Variants in USP9X observed in about 807,000 individuals in gnomAD.
USP9X encodes ubiquitin specific peptidase 9 X-linked.
Under a neutral mutation model 190.3 loss-of-function variants are expected in USP9X, and 7 were observed. The ratio of observed to expected loss-of-function variants is 0.04; its 90% CI spans 0.02 to 0.07. The LOEUF (loss-of-function observed/expected upper bound fraction) is 0.07. USP9X is among the 10% of genes least tolerant of loss of function. The pLI is 1.00. For synonymous variants in USP9X, 645 were observed against 659.5 expected (o/e 0.98, Z 0.34); for missense variants, 1,010 against 1,916.9 (o/e 0.53, Z 8.83).
At position 41,216,528 on chromosome X, in the gene USP9X, T is replaced by C. The variant is rs373378185; in HGVS notation, c.5961T>C (p.Ile1987=). ...RPHQIIMPSA[I]ERSVRKQNVQ... ...ATCAGATTATTATGCCATCAGCCAT[T>C]GAGAGAAGTGTACGGAAACAGAACG... The change falls in exon 35 of 45, where the codon ATT becomes ATC. Residue 1987 remains isoleucine, a synonymous_variant. Transcript: ENST00000378308. 2.3e-5 allele frequency: 28 copies of C among 1,209,439 alleles called. No homozygotes were observed. The highest frequency in any genetic ancestry group is 1.8e-5 in the African/African-American group (1 of 56,950).
At chrX:41,184,271 T>A (rs1602010563) in intron 22 of USP9X, 126 bp from the exon 23 acceptor site, 3 of 1,000,093 alleles carry the variant, frequency 3.0e-6, no homozygotes, top group Non-Finnish European at 4.0e-6. Flanking sequence ...AAATGAAATA[T>A]TAATTTGAAA....
intron 6 of USP9X, among the ~76,000 whole-genome samples, chrX:41,139,172 T>C (rs1161138026): frequency 1.8e-5 from 2 of 112,468 alleles, no homozygotes; most frequent in Admixed American, 9.5e-5. Flanking sequence ...AAATAAAATA[T>C]ATTACATAAT....
chrX:41,174,840 C>T (rs762224649), intron 21 of USP9X, among the ~76,000 whole-genome samples: 3 of 111,419 alleles, frequency 2.7e-5, no homozygotes, highest in Admixed American at 9.4e-5. Context: ...ACTAAAAATA[C>T]AAAAATTAGC....
At chrX:41,118,420 G>A (rs1406246194) in intron 1 of USP9X, among the ~76,000 whole-genome samples, 1 of 111,765 alleles carries the variant, frequency 8.9e-6, no homozygotes, top group Non-Finnish European at 1.9e-5. Context: ...TTAGCATGAT[G>A]TCCTCAAGGT....
chrX:41,219,977 C>T (rs1440482092), intron 38 of USP9X, among the ~76,000 whole-genome samples: 1 of 111,576 alleles, frequency 9.0e-6, no homozygotes, highest in Non-Finnish European at 1.9e-5. Context: ...AGAATGAGAC[C>T]CTGTCTCCAA....
chrX:41,159,697 T>A (rs1259270053), intron 14 of USP9X, among the ~76,000 whole-genome samples: 1 of 107,909 alleles, frequency 9.3e-6, no homozygotes, highest in East Asian at 2.9e-4. Flanking sequence ...TCCCGGCTAA[T>A]TTTTTTTTTG....
intron 25 of USP9X, 130 bp from the exon 26 acceptor site, chrX:41,189,179 A>G (rs1193810135): frequency 5.6e-6 from 3 of 535,517 alleles, no homozygotes; most frequent in Non-Finnish European, 9.1e-6. Context: ...AAGAGTTAAC[A>G]TGCAGCCATG....
chrX:41,141,671 G>A (rs1201596043), intron 9 of USP9X, among the ~76,000 whole-genome samples: 2 of 111,306 alleles, frequency 1.8e-5, no homozygotes, highest in African/African-American at 3.3e-5. Context: ...TGAATGTGGC[G>A]TTTTGAAGTA....
chrX:41,125,720 G>T (rs957274281), intron 2 of USP9X, among the ~76,000 whole-genome samples: 83 of 50,213 alleles, frequency 1.7e-3, no homozygotes, highest in South Asian at 5.8e-3. Context: ...TCTCTCTCTC[G>T]CGCACGCGCG....
chrX:41,179,836 ACC>A (rs2062810647), intron 21 of USP9X, among the ~76,000 whole-genome samples: 1 of 111,184 alleles, frequency 9.0e-6, no homozygotes, highest in South Asian at 3.7e-4. Flanking sequence ...ATTTATAGGC[ACC>A]CTCTTCTCCT....
chrX:41,148,242 T>G, intron 11 of USP9X, 127 bp from the exon 12 acceptor site: 1 of 664,871 alleles, frequency 1.5e-6, no homozygotes, highest in Non-Finnish European at 2.2e-6. Flanking sequence ...TATTTTCAGA[T>G]CTCACTTGAA....
rs2063378028 is a variant in USP9X, at chrX:41,233,402, T to TA, written c.*879dup. 8.9e-6 allele frequency: 1 copy of TA among 112,532 alleles called. No individual in the cohort carries two copies. The allele number at this position is 112,532 out of a possible 1,213,427, so 9.3% of individuals were successfully genotyped here. On this transcript the variant is annotated 3_prime_UTR_variant, in exon 45 of 45. Coordinates refer to ENST00000378308, the MANE Select transcript of USP9X (RefSeq NM_001039591.3). ...ATCTCTGGGTGGAATAAAGAACACT[T>TA]ACGTATCAGTAATGGGAATTTTTAA...
rs116114317 is a variant in USP9X, at chrX:41,106,435, A to G, written c.-158-17036A>G. ...AGTCATACTGTTTTCTTATAATTGC[A>G]TAATTGTATTTACCAGTGTTATTTC... On this transcript the variant is annotated intron_variant, in intron 1 of 44. Transcript: ENST00000378308. Among the ~76,000 whole-genome samples the G allele has an allele frequency of 8.1e-3, 891 of 109,499 alleles. 9 individuals carry two copies. The highest frequency in any genetic ancestry group is 0.033 in the Middle Eastern group (7 of 214).
rs768027627 is a variant in USP9X at position 41,212,571 on chromosome X, ATAGT to A, written c.5189+1892_5189+1895del. Among the ~76,000 whole-genome samples the A allele has an allele frequency of 1.8e-4, 20 of 111,914 alleles. No individual in the cohort carries two copies. The East Asian group carries it at 5.0e-3, about 28-fold the overall frequency. ...AATTGATTAAGGGCTTCTATTAGAA[ATAGT>A]TAATGAGTTCATTACTGATAAATAT... On this transcript the variant is annotated intron_variant, in intron 33 of 44. Transcript: ENST00000378308.
At chrX:41,120,988 G>A (rs2062186494) in intron 1 of USP9X, among the ~76,000 whole-genome samples, 1 of 105,272 alleles carries the variant, frequency 9.5e-6, no homozygotes, top group Non-Finnish European at 1.9e-5. Context: ...ACAGGGGTGA[G>A]CCACCATGCC....
In USP9X at chrX:41,223,377, T is replaced by C. The variant is rs765219780; in HGVS notation, c.6726T>C (p.Ser2242=). 1 of 1,211,702 alleles carries C rather than the reference T, an allele frequency of 8.3e-7. No individual in the cohort carries two copies. The highest frequency in any genetic ancestry group is 1.8e-5 in the South Asian group (1 of 56,973). The change falls in exon 39 of 45, where the codon TCT becomes TCC. Residue 2242 remains serine, a synonymous_variant. Coordinates refer to ENST00000378308, the MANE Select transcript of USP9X (RefSeq NM_001039591.3). ...AGCTGATCCGCTGTTGCAATGTCTC[T>C]TCAAGAATGCAGTCTTCAATCAATG... ...VSQLIRCCNV[S]SRMQSSINGN... is the part of the protein sequence containing the mutation.
intron 32 of USP9X, among the ~76,000 whole-genome samples, chrX:41,207,830 T>G (rs1224188469): frequency 9.1e-6 from 1 of 110,468 alleles, no homozygotes; most frequent in Non-Finnish European, 1.9e-5. Flanking sequence ...TACTCTGTAC[T>G]AGTGTCTTGC....
chrX:41,141,648 A>T (rs1472170808), intron 9 of USP9X, among the ~76,000 whole-genome samples: 2 of 111,814 alleles, frequency 1.8e-5, no homozygotes, highest in African/African-American at 6.5e-5. Flanking sequence ...AACATCTTTG[A>T]TAAACTTAGT....
At chrX:41,156,754 G>A (rs758894035) in intron 14 of USP9X, among the ~76,000 whole-genome samples, 1 of 112,069 alleles carries the variant, frequency 8.9e-6, no homozygotes, top group South Asian at 3.8e-4. Context: ...GTGTGAGGAT[G>A]CTGTGCTCAG....
Sources: gnomAD v4.1 joint callset for allele counts (sites outside exome capture counted in the v4.1 genomes callset) on GRCh38, gnomAD v4.1.1 for gene constraint, MANE v1.5 for transcripts, NCBI Gene and HGNC (gene_info 2026-07-23, HGNC 2026-07-21) for gene names.